The following RABGAP1L variants were observed in gnomAD, a reference collection of about 807,000 sequenced individuals.
RABGAP1L encodes rab GTPase-activating protein 1-like.
In RABGAP1L, 63 loss-of-function variants were observed where a neutral mutation model predicts 137.7. The observed-to-expected ratio is 0.46, with a 90% confidence interval of 0.37 to 0.56. The LOEUF is 0.56. Among genes scored for constraint, RABGAP1L ranks in the 20% least tolerant of loss-of-function variants. RABGAP1L has a pLI of 0.00. For missense variants in RABGAP1L, 1,095 were observed against 1,244.0 expected (o/e 0.88, Z 1.80); for synonymous variants, 431 against 433.7 (o/e 0.99, Z 0.08).
Position 174,991,668 on chromosome 1 carries a change from A to G in RABGAP1L, c.*1667A>G, listed in dbSNP as rs961880177. 6.6e-6 allele frequency: 1 copy of G among 152,214 alleles called. No homozygotes were observed. Among genetic ancestry groups the G allele is most frequent in the African/African-American group, 2.4e-5 (1 of 41,458 alleles). 9.4% of individuals were successfully genotyped at this position (152,214 alleles called of 1,614,324 possible). A position where few individuals can be genotyped will look rare whatever the true frequency, so the allele number is the denominator to read the frequency against. On this transcript the variant is annotated 3_prime_UTR_variant, in exon 26 of 26. Transcript: ENST00000681986. ...ATAAATCTTTCATTGTTGTTCTGAC[A>G]TCTTTCATTACAAAATTTATTTTCT...
rs1216100934 is a variant in RABGAP1L, at chr1:174,550,857, AATATATAT to A, written c.1711-86486_1711-86479del. Among the ~76,000 whole-genome samples the A allele has an allele frequency of 6.5e-4, 40 of 61,834 alleles. 1 individual carries two copies. The highest frequency in any genetic ancestry group is 2.5e-3 in the South Asian group (4 of 1,580). The allele number at this position is 61,834 out of a possible 152,430, so 40.6% of individuals were successfully genotyped here. A position where few individuals can be genotyped will look rare whatever the true frequency, so the allele number is the denominator to read the frequency against. On this transcript the variant is annotated intron_variant, in intron 13 of 25. Transcript: ENST00000681986. ...ACACGGTGAAACCCCGTCTCTGCTA[AATATATAT>A]ATATATATATATATATATATATATA...
In RABGAP1L at chr1:174,798,409, A is replaced by C. The variant is rs549872702; in HGVS notation, c.2212-13423A>C. On this transcript the variant is annotated intron_variant, in intron 18 of 25. Coordinates refer to ENST00000681986, the MANE Select transcript of RABGAP1L (RefSeq NM_001366446.1). ...CAGAGCGACAATCCGTTTCAAACAA[A>C]AAAAAAAAGAAATCATTTTTGGAAG... is the stretch of plus-strand genomic sequence containing the variant. Among the ~76,000 whole-genome samples the C allele has an allele frequency of 7.9e-5, 12 of 152,082 alleles. No individual in the cohort carries two copies. The South Asian group carries it at 1.9e-3, about 24-fold the overall frequency.
intron 13 of RABGAP1L, among the ~76,000 whole-genome samples, chr1:174,613,740 C>T (rs1368464273): frequency 1.3e-5 from 2 of 152,124 alleles, no homozygotes; most frequent in African/African-American, 4.8e-5. Context: ...TCTGGGTGCT[C>T]CTGTATTGGG....
chr1:174,717,761 G>T (rs1558013617), intron 17 of RABGAP1L, among the ~76,000 whole-genome samples: 1 of 152,070 alleles, frequency 6.6e-6, no homozygotes, highest in East Asian at 1.9e-4. Flanking sequence ...GTCTGGTGGT[G>T]AACCGCATGA....
chr1:174,763,430 C>A (rs1438580712), intron 18 of RABGAP1L, among the ~76,000 whole-genome samples: 1 of 148,968 alleles, frequency 6.7e-6, no homozygotes, highest in Non-Finnish European at 1.5e-5. Context: ...GCGGGCGGAT[C>A]ACGAGGTCAG....
At chr1:174,810,550 A>G (rs955886677) in intron 18 of RABGAP1L, among the ~76,000 whole-genome samples, 1 of 152,192 alleles carries the variant, frequency 6.6e-6, no homozygotes, top group Non-Finnish European at 1.5e-5. Flanking sequence ...TTACATTTTA[A>G]TTTAAATAAA....
chr1:174,595,952 G>A (rs1198434109), intron 13 of RABGAP1L, among the ~76,000 whole-genome samples: 1 of 103,132 alleles, frequency 9.7e-6, no homozygotes, highest in East Asian at 2.2e-4. Context: ...CCCTCCCCCA[G>A]CCTCGTTGCC....
intron 15 of RABGAP1L, among the ~76,000 whole-genome samples, chr1:174,695,080 T>C (rs1207787225): frequency 2.0e-5 from 3 of 152,206 alleles, no homozygotes; most frequent in Admixed American, 2.0e-4. Context: ...TTTGAGTTCA[T>C]TGTAGATTCT....
chr1:174,333,611 T>C (rs918700846), intron 11 of RABGAP1L, among the ~76,000 whole-genome samples: 16 of 152,136 alleles, frequency 1.1e-4, no homozygotes, highest in Admixed American at 7.9e-4. Context: ...ATACAACAGA[T>C]TGAGAAGCAA....
At chr1:174,346,244 T>G (rs1682416936) in intron 11 of RABGAP1L, among the ~76,000 whole-genome samples, 1 of 152,172 alleles carries the variant, frequency 6.6e-6, no homozygotes, top group Non-Finnish European at 1.5e-5. Context: ...ATCAGGACAA[T>G]ACTGGCCTTG....
At chr1:174,731,730 C>T (rs1682493503) in intron 17 of RABGAP1L, among the ~76,000 whole-genome samples, 1 of 152,196 alleles carries the variant, frequency 6.6e-6, no homozygotes, top group Admixed American at 6.5e-5. Flanking sequence ...ATTCTATAGG[C>T]ATATTCTGTA....
intron 13 of RABGAP1L, among the ~76,000 whole-genome samples, chr1:174,396,216 A>G (rs1326517522): frequency 6.6e-6 from 1 of 152,118 alleles, no homozygotes; most frequent in Non-Finnish European, 1.5e-5. Context: ...TTGTTTTTAG[A>G]TGATGGAAAT....
intron 18 of RABGAP1L, among the ~76,000 whole-genome samples, chr1:174,797,410 C>G (rs1205915247): frequency 6.6e-6 from 1 of 151,714 alleles, no homozygotes; most frequent in African/African-American, 2.4e-5. Flanking sequence ...TAATGCAGAA[C>G]ACCAGTATAT....
chr1:174,354,149 C>T (rs1683421379), intron 11 of RABGAP1L, among the ~76,000 whole-genome samples: 2 of 152,118 alleles, frequency 1.3e-5, no homozygotes, highest in African/African-American at 4.8e-5. Flanking sequence ...CATCTAACAT[C>T]TAACAGATGT....
intron 11 of RABGAP1L, among the ~76,000 whole-genome samples, chr1:174,318,672 C>G (rs1679656498): frequency 7.9e-6 from 1 of 126,960 alleles, no homozygotes; most frequent in African/African-American, 2.9e-5. Context: ...TCCTGTCTTA[C>G]TCTCTTTTAA....
intron 14 of RABGAP1L, among the ~76,000 whole-genome samples, chr1:174,645,397 C>T (rs1184130764): frequency 6.7e-6 from 1 of 149,996 alleles, no homozygotes. Context: ...TAGCCCCCCA[C>T]CCCCCAACAG....
At chr1:174,756,369 C>T (rs1019601893) in intron 18 of RABGAP1L, among the ~76,000 whole-genome samples, 1 of 151,998 alleles carries the variant, frequency 6.6e-6, no homozygotes, top group Non-Finnish European at 1.5e-5. Context: ...AGGCTGGTCT[C>T]GAACTCCTAA....
intron 14 of RABGAP1L, among the ~76,000 whole-genome samples, chr1:174,664,885 G>A (rs1676668848): frequency 6.6e-6 from 1 of 151,688 alleles, no homozygotes; most frequent in African/African-American, 2.4e-5. Context: ...TTACAGGCAT[G>A]TGCCACCACA....
chr1:174,980,977 G>A (rs1671057419), intron 23 of RABGAP1L, among the ~76,000 whole-genome samples: 1 of 151,924 alleles, frequency 6.6e-6, no homozygotes, highest in Non-Finnish European at 1.5e-5. Flanking sequence ...GCATCTAGGA[G>A]AAGAGGTGGT....
Sources: allele counts gnomAD v4.1 joint callset (sites outside exome capture counted in the v4.1 genomes callset), GRCh38; gene constraint gnomAD v4.1.1; transcripts MANE v1.5; gene names NCBI Gene and HGNC (gene_info 2026-07-23, HGNC 2026-07-21).